APBB1IP: variants seen among roughly 807,000 people sequenced by gnomAD.
APBB1IP encodes amyloid beta A4 precursor protein-binding family B member 1-interacting protein.
A neutral mutation model predicts 64.9 loss-of-function variants in APBB1IP; 27 were observed. The observed-to-expected ratio is 0.42, with a 90% confidence interval of 0.31 to 0.57. The LOEUF (loss-of-function observed/expected upper bound fraction) is 0.57. Among genes scored for constraint, APBB1IP ranks in the 20% least tolerant of loss-of-function variants. APBB1IP has a pLI of 0.20. For missense variants in APBB1IP, 812 were observed against 845.5 expected, an observed-to-expected ratio of 0.96 and a Z score of 0.49; for synonymous variants, 392 against 331.0, an observed-to-expected ratio of 1.18 and a Z score of -2.00.
Position 26,541,646 on chromosome 10 carries a change from AT to A in APBB1IP, c.1110del (p.His370GlnfsTer3). On this transcript the variant is annotated frameshift_variant, in exon 11 of 15. Transcript: ENST00000376236. LOFTEE classifies it high-confidence loss of function. The part of the protein sequence containing the change: ...ENVNIYYGTQ[H>X]KMKYKAPTDY... ...GTCAACATTTACTATGGGACTCAGC[AT>A]AAAATGAAATATAAAGCGCCCACTG... 6.2e-7 allele frequency: 1 copy of A among 1,612,532 alleles called. No homozygotes were observed. Among genetic ancestry groups the A allele is most frequent in the African/African-American group, 1.3e-5 (1 of 75,004 alleles).
chr10:26,502,461 G>A (rs567852420), intron 5 of APBB1IP, among the ~76,000 whole-genome samples: 4 of 152,194 alleles, frequency 2.6e-5, no homozygotes, highest in African/African-American at 4.8e-5. Context: ...CTAACACCGT[G>A]AAACTCCATC....
chr10:26,496,292 C>T lies in APBB1IP; in HGVS notation c.73-12C>T. ...TCATGAATAACTTTGATGGGGGGAT[C>T]TTTTTTCACAGAGTTTAGGAGTTGA... On this transcript the variant is annotated splice_polypyrimidine_tract_variant and intron_variant, in intron 3 of 14. Transcript: ENST00000376236. 1 of 1,598,758 alleles carries T rather than the reference C, an allele frequency of 6.3e-7. No individual in the cohort carries two copies.
chr10:26,543,339 C>T (rs547439115), intron 11 of APBB1IP, among the ~76,000 whole-genome samples: 12 of 151,714 alleles, frequency 7.9e-5, no homozygotes, highest in East Asian at 5.9e-4. Flanking sequence ...TGGTGGTGCA[C>T]GCCTTTAGTC....
chr10:26,555,934 T>A (rs1836889651), intron 11 of APBB1IP, among the ~76,000 whole-genome samples: 1 of 151,850 alleles, frequency 6.6e-6, no homozygotes, highest in African/African-American at 2.4e-5. Context: ...GGAATTAGCA[T>A]ATTTCTTGGC....
At chr10:26,461,812 T>A (rs1230826211) in intron 2 of APBB1IP, among the ~76,000 whole-genome samples, 1 of 152,218 alleles carries the variant, frequency 6.6e-6, no homozygotes, top group Admixed American at 6.5e-5. Flanking sequence ...TTTATCTCTA[T>A]GTTTTTCGTA....
At chr10:26,529,715 A>T (rs776534976) in intron 8 of APBB1IP, among the ~76,000 whole-genome samples, 3 of 152,026 alleles carry the variant, frequency 2.0e-5, no homozygotes, top group Non-Finnish European at 2.9e-5. Flanking sequence ...ATCTCAGCTC[A>T]CTGTAACCTC....
At chr10:26,446,751 A>G (rs986628795) in intron 2 of APBB1IP, among the ~76,000 whole-genome samples, 10 of 152,130 alleles carry the variant, frequency 6.6e-5, no homozygotes, top group Non-Finnish European at 8.8e-5. Context: ...GGTCACACCT[A>G]TAGTCCCAGC....
At chr10:26,495,912 T>C (rs1463196662) in intron 3 of APBB1IP, among the ~76,000 whole-genome samples, 3 of 143,726 alleles carry the variant, frequency 2.1e-5, no homozygotes, top group Non-Finnish European at 4.5e-5. Flanking sequence ...TATATAAATA[T>C]ATATTTTATA....
chr10:26,508,736 C>T (rs980776485), intron 6 of APBB1IP, among the ~76,000 whole-genome samples: 5 of 152,064 alleles, frequency 3.3e-5, no homozygotes, highest in African/African-American at 1.2e-4. Context: ...CAAGGCTTCT[C>T]TTGGTTATAT....
At chr10:26,445,437 G>GA (rs1439376811) in intron 2 of APBB1IP, among the ~76,000 whole-genome samples, 1 of 152,104 alleles carries the variant, frequency 6.6e-6, no homozygotes, top group Admixed American at 6.5e-5. Context: ...TCTTAATAGA[G>GA]ATAGGGTCTT....
At chr10:26,496,433 A>ACTGATTTGAATCATC in intron 4 of APBB1IP, 42 bp downstream of exon 4, 1 of 1,442,368 alleles carries the variant, frequency 6.9e-7, no homozygotes, top group Non-Finnish European at 9.7e-7. Context: ...TCAAAATCAT[A>ACTGATTTGAATCATC]ATGATGATTC....
intron 11 of APBB1IP, among the ~76,000 whole-genome samples, chr10:26,543,122 C>G (rs962438406): frequency 6.6e-6 from 1 of 151,302 alleles, no homozygotes; most frequent in Admixed American, 6.6e-5. Context: ...CACTGAAGGC[C>G]GGGAGAAGGC....
intron 8 of APBB1IP, 42 bp downstream of exon 8, chr10:26,513,702 G>A (rs374319162): frequency 6.6e-7 from 1 of 1,515,478 alleles, no homozygotes; most frequent in Non-Finnish European, 8.8e-7. Context: ...AAAGTACAAA[G>A]GATTTTTTTT....
rs1349590127 is a variant in APBB1IP, at chr10:26,500,830, G to A, written c.172G>A (p.Ala58Thr). 1 of 1,613,366 alleles carries A rather than the reference G, an allele frequency of 6.2e-7. No homozygotes were observed. The highest frequency in any genetic ancestry group is 8.5e-7 in the Non-Finnish European group (1 of 1,179,440). Residue 58 changes from alanine to threonine, a missense_variant, in exon 5 of 15, where the codon GCA (alanine) becomes ACA (threonine). Coordinates refer to ENST00000376236, the MANE Select transcript of APBB1IP (RefSeq NM_019043.4). ...ATTTTCCCTACTAGAGTCCTTAAAT[G>A]CACTGGAAGACCAAGATTTAGATGC... Reference protein sequence around the residue: ...GFKDLNESLNALEDQDLDALM... With the variant: ...GFKDLNESLNTLEDQDLDALM...
At chr10:26,566,875 A>G (rs2132488895) in intron 14 of APBB1IP, 86 bp from the exon 15 acceptor site, 2 of 1,401,086 alleles carry the variant, frequency 1.4e-6, no homozygotes, top group Middle Eastern at 2.5e-4. Flanking sequence ...CGACAGAGTG[A>G]GACCCCGTCT....
intron 6 of APBB1IP, among the ~76,000 whole-genome samples, chr10:26,503,634 CA>C (rs1323800136): frequency 7.3e-5 from 11 of 151,426 alleles, no homozygotes; most frequent in Non-Finnish European, 1.5e-4. Flanking sequence ...GATTCCATCT[CA>C]AAAACAAGAA....
At chr10:26,536,794 A>G (rs1377747473) in intron 10 of APBB1IP, among the ~76,000 whole-genome samples, 1 of 144,542 alleles carries the variant, frequency 6.9e-6, no homozygotes, top group Non-Finnish European at 1.5e-5. Flanking sequence ...TTTTGTAGAG[A>G]CGGGGTTTCA....
chr10:26,550,931 G>A (rs1363767617), intron 11 of APBB1IP, among the ~76,000 whole-genome samples: 3 of 152,202 alleles, frequency 2.0e-5, no homozygotes, highest in Non-Finnish European at 4.4e-5. Context: ...TTCAGCACTA[G>A]AGGGCCTCCT....
chr10:26,528,098 G>C (rs1358541204), intron 8 of APBB1IP, among the ~76,000 whole-genome samples: 2 of 152,156 alleles, frequency 1.3e-5, no homozygotes, highest in Non-Finnish European at 2.9e-5. Context: ...TGCACCTCAA[G>C]CTCTCTGCTT....
Sources: allele counts gnomAD v4.1 joint callset (sites outside exome capture counted in the v4.1 genomes callset), GRCh38; gene constraint gnomAD v4.1.1; transcripts MANE v1.5; gene names NCBI Gene and HGNC (gene_info 2026-07-23, HGNC 2026-07-21).